Variants in DNAH2 observed in about 807,000 individuals in gnomAD.
DNAH2 encodes dynein axonemal heavy chain 2.
Under a neutral mutation model 523.5 loss-of-function variants are expected in DNAH2, and 323 were observed. That is an observed-to-expected ratio of 0.62 (90% CI 0.56 to 0.68). DNAH2 has a LOEUF of 0.68. Ranked by LOEUF, DNAH2 falls within the 30% of genes least tolerant of loss-of-function variation. The pLI is 0.00. For synonymous variants in DNAH2, 2,093 were observed against 2,177.4 expected (o/e 0.96, Z 1.08); for missense variants, 4,907 against 5,701.5 (o/e 0.86, Z 4.49).
In DNAH2 at chr17:7,830,788, C is replaced by T; in HGVS notation, c.12176C>T (p.Thr4059Ile). Residue 4059 changes from threonine (T) to isoleucine (I), a missense_variant, in exon 79 of 86, where the codon ACC (threonine) becomes ATC (isoleucine). Coordinates refer to ENST00000572933, the MANE Select transcript of DNAH2 (RefSeq NM_020877.5). Reference protein sequence around the residue: ...VTDDWDRRLLTTYINDYFCDQ... With the variant: ...VTDDWDRRLLITYINDYFCDQ... Reference sequence around the variant, plus strand: ...GATGACTGGGACCGGCGCCTGCTGACCACCTACATCAATGATTATTTCTGT... The same window carrying T: ...GATGACTGGGACCGGCGCCTGCTGATCACCTACATCAATGATTATTTCTGT... 1.2e-6 allele frequency: 2 copies of T among 1,614,128 alleles called. No individual in the cohort carries two copies. Among genetic ancestry groups the T allele is most frequent in the Non-Finnish European group, 8.5e-7 (1 of 1,180,046 alleles).
Position 7,833,469 on chromosome 17 carries a change from G to C in DNAH2, c.13220G>C (p.Gly4407Ala). The C allele has an allele frequency of 6.2e-7, 1 of 1,614,144 alleles. No individual in the cohort carries two copies. ...GTCATCGGCATTGACCTGCGGTCTG[G>C]GGCCATGACACCTGATCATTGGATC... ...SFVIGIDLRS[G>A]AMTPDHWIKR... Residue 4407 changes from glycine to alanine, a missense_variant, in exon 86 of 86, where the codon GGG becomes GCG. Gly to Ala is a moderately conservative substitution (Grantham distance 60, BLOSUM62 0). Coordinates refer to ENST00000572933, the MANE Select transcript of DNAH2 (RefSeq NM_020877.5).
chr17:7,765,263 G>C (rs1205467137), intron 20 of DNAH2, 128 bp from the exon 21 acceptor site: 1 of 642,150 alleles, frequency 1.6e-6, no homozygotes, highest in East Asian at 2.8e-5. Context: ...ACTCATGAGA[G>C]GGCAGACCTC....
intron 74 of DNAH2, 21 bp from the exon 75 acceptor site, chr17:7,823,813 A>G (rs2077937175): frequency 1.2e-6 from 2 of 1,612,192 alleles, no homozygotes; most frequent in East Asian, 2.2e-5. Context: ...CTCTCCCTGC[A>G]ATGACTCACC....
rs753013685 is a variant in DNAH2, at chr17:7,776,904, G to A, written c.5058+15G>A. 21 of 1,592,680 alleles carry A rather than the reference G, an allele frequency of 1.3e-5. No individual in the cohort carries two copies. Among genetic ancestry groups the A allele is most frequent in the African/African-American group, 5.4e-5 (4 of 74,450 alleles). ...AGAAGAACCAGGTGAGAGGCTGGGC[G>A]CACTGGCTCATGCTTGTAATCCCAG... On this transcript the variant is annotated intron_variant, in intron 32 of 85. Coordinates refer to ENST00000572933, the MANE Select transcript of DNAH2 (RefSeq NM_020877.5).
Position 7,739,831 on chromosome 17 carries a change from C to A in DNAH2, c.1269C>A (p.Asn423Lys). The change falls in exon 9 of 86, where the codon AAC (asparagine) becomes AAA (lysine). Residue 423 changes from asparagine (N) to lysine (K), a missense_variant. Physicochemically the swap from Asn to Lys is moderately conservative, Grantham distance 94 (BLOSUM62 0). This residue lies in a region of DNAH2 where 2,806 missense variants were observed against 3,190.8 expected (regional missense o/e 0.88). Transcript: ENST00000572933. ...FGAQGPQITR[N>K]LLEIEDIFHK... is the part of the protein sequence containing the mutation. ...CCCAGGGGCCACAGATAACACGGAACTTGCTGGAGATTGAGGACATCTTTC... is the reference window on the plus strand; with the variant it reads ...CCCAGGGGCCACAGATAACACGGAAATTGCTGGAGATTGAGGACATCTTTC... 2 of 1,614,026 alleles carry A rather than the reference C, an allele frequency of 1.2e-6. No homozygotes were observed. Among genetic ancestry groups the A allele is most frequent in the Non-Finnish European group, 1.7e-6 (2 of 1,180,020 alleles).
intron 48 of DNAH2, among the ~76,000 whole-genome samples, chr17:7,793,450 T>TTTTCTTC (rs2076959466): frequency 1.1e-5 from 1 of 94,510 alleles, no homozygotes; most frequent in Non-Finnish European, 2.3e-5. Context: ...TCTTTCTTTT[T>TTTTCTTC]CTTTCTTTCT....
chr17:7,793,517 TCTCTTTC>T (rs1273654363), intron 48 of DNAH2, among the ~76,000 whole-genome samples: 3 of 119,394 alleles, frequency 2.5e-5, no homozygotes, highest in African/African-American at 5.8e-5. Context: ...CTTTCTTTCT[TCTCTTTC>T]TCTTTCTTTC....
chr17:7,799,130 C>A lies in DNAH2; in HGVS notation c.8587C>A (p.Arg2863=). Residue 2863 remains arginine (R), a synonymous_variant, in exon 56 of 86, where the codon CGG becomes AGG. Transcript: ENST00000572933. ...EIQSHIIDQA[R]VEQVPESSDS... is the part of the protein sequence containing the mutation. ...CCAGTCGCATATCATAGACCAGGCC[C>A]GGGTGGAGCAGGTGCCTGAGTCATC... 6.2e-7 allele frequency: 1 copy of A among 1,614,166 alleles called. No individual in the cohort carries two copies. Among genetic ancestry groups the A allele is most frequent in the South Asian group, 1.1e-5 (1 of 91,088 alleles).
intron 9 of DNAH2, 134 bp downstream of exon 9, chr17:7,740,072 G>GGA: frequency 1.5e-6 from 1 of 665,576 alleles, no homozygotes; most frequent in South Asian, 1.8e-5. Context: ...GGCCCGGGGG[G>GGA]GGGGACAGGA....
At chr17:7,757,340 T>C (rs1172082355) in intron 13 of DNAH2, 103 bp downstream of exon 13, 3 of 1,425,432 alleles carry the variant, frequency 2.1e-6, no homozygotes, top group Non-Finnish European at 2.8e-6. Flanking sequence ...ATTTCTGTCC[T>C]CTACATCTTT....
intron 5 of DNAH2, among the ~76,000 whole-genome samples, chr17:7,733,634 C>T (rs1023476250): frequency 1.3e-5 from 2 of 151,898 alleles, no homozygotes; most frequent in African/African-American, 2.4e-5. Context: ...CATGCCACCA[C>T]GCCTGGCTAA....
At chr17:7,768,328 G>C in intron 24 of DNAH2, 61 bp downstream of exon 24, 1 of 1,555,912 alleles carries the variant, frequency 6.4e-7, no homozygotes, top group Non-Finnish European at 8.9e-7. Flanking sequence ...GCCACCACTT[G>C]GTCCCTCCCA....
chr17:7,737,293 A>G, intron 8 of DNAH2, 35 bp downstream of exon 8: 1 of 1,599,152 alleles, frequency 6.3e-7, no homozygotes, highest in Non-Finnish European at 8.6e-7. Flanking sequence ...GGAGGGGTTT[A>G]TGAGGGTGGC....
intron 65 of DNAH2, 57 bp downstream of exon 65, chr17:7,817,472 C>T (rs2077705838): frequency 1.2e-6 from 2 of 1,613,264 alleles, no homozygotes; most frequent in Admixed American, 1.7e-5. Flanking sequence ...GGGGGCAGGA[C>T]CTTTGGGAAT....
chr17:7,780,935 G>T lies in DNAH2; in HGVS notation c.6004-107G>T. ...CGTGTTGCCCGCTGCTTTGCTAATG[G>T]CTAACTGGTGTATCCATTGTTCTTG... On this transcript the variant is annotated intron_variant, in intron 38 of 85. Transcript: ENST00000572933. This position sits in a 1 kb window ranked among gnomAD's most constrained non-coding sequence, Gnocchi z 4.4. The T allele has an allele frequency of 6.3e-7, 1 of 1,589,900 alleles. No individual in the cohort carries two copies. The highest frequency in any genetic ancestry group is 8.6e-7 in the Non-Finnish European group (1 of 1,165,742).
At chr17:7,793,858 T>A (rs1156532022) in intron 48 of DNAH2, among the ~76,000 whole-genome samples, 3 of 152,110 alleles carry the variant, frequency 2.0e-5, no homozygotes, top group Non-Finnish European at 4.4e-5. Context: ...TAGTGCTATA[T>A]TCATGTGTGT....
At chr17:7,732,359 C>T (rs867322919) in intron 4 of DNAH2, among the ~76,000 whole-genome samples, 3 of 144,524 alleles carry the variant, frequency 2.1e-5, no homozygotes, top group Non-Finnish European at 3.0e-5. Context: ...CGCTTGAACC[C>T]GGGGGGCGGA....
chr17:7,832,589 C>A lies in DNAH2; in HGVS notation c.12737C>A (p.Ser4246Ter). 1.2e-6 allele frequency: 2 copies of A among 1,614,070 alleles called. No individual in the cohort carries two copies. The highest frequency in any genetic ancestry group is 1.7e-6 in the Non-Finnish European group (2 of 1,179,990). The change falls in exon 83 of 86, where the codon TCA becomes TAA. Residue 4246 changes from serine (S) to a stop codon, truncating the protein, a stop_gained. Coordinates refer to ENST00000572933, the MANE Select transcript of DNAH2 (RefSeq NM_020877.5). LOFTEE classifies it high-confidence loss of function. The surrounding 1 kb of genome is among the most constrained non-coding windows in gnomAD (Gnocchi z 4.3). Reference protein sequence around the residue: ...VPPLWGKAYPSQKPLAAWTRD... With the variant: ...VPPLWGKAYP ...GCACTCCTTCCCCAGGCATACCCCT[C>A]ACAAAAGCCATTGGCTGCCTGGACC...
At chr17:7,723,779 T>C in intron 3 of DNAH2, 90 bp downstream of exon 3, 2 of 1,134,934 alleles carry the variant, frequency 1.8e-6, no homozygotes, top group South Asian at 2.5e-5. Context: ...AGGAATTCTC[T>C]CTTGTCTGCC....
Sources: gnomAD v4.1 joint callset for allele counts (sites outside exome capture counted in the v4.1 genomes callset) on GRCh38, gnomAD v4.1.1 for gene constraint, gnomAD v4.1.1 regional missense constraint, Gnocchi (gnomAD v3.1) non-coding constraint, MANE v1.5 for transcripts, NCBI Gene and HGNC (gene_info 2026-07-23, HGNC 2026-07-21) for gene names.